DCC: variants seen among roughly 807,000 people sequenced by gnomAD.
The protein encoded by DCC is DCC netrin 1 receptor.
Under a neutral mutation model 172.5 loss-of-function variants are expected in DCC, and 58 were observed. The ratio of observed to expected loss-of-function variants is 0.34; its 90% CI spans 0.27 to 0.42. The LOEUF is 0.42. DCC is among the 10% of genes least tolerant of loss of function. DCC has a pLI of 1.00. For missense variants in DCC, 1,740 were observed against 1,791.0 expected, an observed-to-expected ratio of 0.97 and a Z score of 0.51; for synonymous variants, 709 against 644.5, an observed-to-expected ratio of 1.10 and a Z score of -1.52.
At chr18:53,060,843 A>G (rs984880166) in intron 5 of DCC, among the ~76,000 whole-genome samples, 1 of 152,106 alleles carries the variant, frequency 6.6e-6, no homozygotes. Context: ...AAACTCAATC[A>G]TTTGTTTTTT....
chr18:53,217,262 TAC>T (rs36226906), intron 12 of DCC, among the ~76,000 whole-genome samples: 1,992 of 133,330 alleles, frequency 0.015, 20 homozygotes, highest in African/African-American at 0.048. Flanking sequence ...ATATATATTA[TAC>T]ACACACACAC....
intron 5 of DCC, among the ~76,000 whole-genome samples, chr18:52,929,745 TA>T (rs943257410): frequency 7.3e-5 from 11 of 150,830 alleles, no homozygotes; most frequent in Middle Eastern, 3.4e-3. Flanking sequence ...ATGAGATAAA[TA>T]AAAATGTTAA....
At chr18:53,244,537 A>G (rs1054474838) in intron 12 of DCC, among the ~76,000 whole-genome samples, 13 of 152,164 alleles carry the variant, frequency 8.5e-5, no homozygotes, top group African/African-American at 3.1e-4. Context: ...AGCAAAGTCT[A>G]TATCTAGGGA....
chr18:53,200,324 A>G (rs2055517219), intron 9 of DCC, among the ~76,000 whole-genome samples: 1 of 152,206 alleles, frequency 6.6e-6, no homozygotes, highest in Non-Finnish European at 1.5e-5. Context: ...CTCTTTTCTG[A>G]TCCCTTTTAG....
In DCC at chr18:52,748,995, G is replaced by C. The variant is rs558821133; in HGVS notation, c.92-3059G>C. 2.0e-5 allele frequency among the ~76,000 whole-genome samples: 3 copies of C among 152,270 alleles called. No homozygotes were observed. In the South Asian group the frequency reaches 6.2e-4, roughly 32 times the overall value. ...GTGGAACAACTGAGGTCAGGAGTTT[G>C]AGACCAGCCTGGCCAAATATGGCCA... On this transcript the variant is annotated intron_variant, in intron 1 of 28. Coordinates refer to ENST00000442544, the MANE Select transcript of DCC (RefSeq NM_005215.4).
At chr18:53,334,476 G>T (rs1165458015) in intron 14 of DCC, among the ~76,000 whole-genome samples, 1 of 152,070 alleles carries the variant, frequency 6.6e-6, no homozygotes, top group Non-Finnish European at 1.5e-5. Flanking sequence ...CAGTTCAGTG[G>T]CATTAAGCAC....
chr18:52,681,244 T>C (rs906449975), intron 1 of DCC, among the ~76,000 whole-genome samples: 1 of 152,018 alleles, frequency 6.6e-6, no homozygotes, highest in Non-Finnish European at 1.5e-5. Context: ...GGTCAGTCTC[T>C]CCTCCAAAGC....
intron 1 of DCC, among the ~76,000 whole-genome samples, chr18:52,594,275 T>C (rs192156106): frequency 1.3e-5 from 2 of 152,350 alleles, no homozygotes; most frequent in East Asian, 3.9e-4. Context: ...TCTAGATTTA[T>C]TCCATCATTA....
chr18:52,492,414 C>A (rs75527360), intron 1 of DCC, among the ~76,000 whole-genome samples: 1 of 151,786 alleles, frequency 6.6e-6, no homozygotes, highest in Non-Finnish European at 1.5e-5. Flanking sequence ...ACTAAAGGAA[C>A]AAGGTTCTTG....
chr18:53,003,469 A>C (rs2041597542), intron 5 of DCC, among the ~76,000 whole-genome samples: 1 of 151,974 alleles, frequency 6.6e-6, no homozygotes, highest in African/African-American at 2.4e-5. Context: ...CCTCTCTCTC[A>C]TCATCTGTGT....
chr18:53,404,465 C>T (rs891911284), intron 19 of DCC, among the ~76,000 whole-genome samples: 1 of 128,576 alleles, frequency 7.8e-6, no homozygotes, highest in African/African-American at 2.6e-5. Flanking sequence ...GGCGCGGTGG[C>T]TCACACCTGT....
At chr18:53,291,928 C>T (rs1039140572) in intron 12 of DCC, among the ~76,000 whole-genome samples, 1 of 152,092 alleles carries the variant, frequency 6.6e-6, no homozygotes, top group African/African-American at 2.4e-5. Flanking sequence ...AACGTGAATA[C>T]CTCCTAGAAA....
intron 24 of DCC, among the ~76,000 whole-genome samples, chr18:53,461,566 A>G (rs963855600): frequency 6.6e-6 from 1 of 152,098 alleles, no homozygotes; most frequent in Non-Finnish European, 1.5e-5. Flanking sequence ...TGTTTTTCTC[A>G]GGTTTGTCAA....
intron 2 of DCC, among the ~76,000 whole-genome samples, chr18:52,828,431 C>T (rs556724982): frequency 4.6e-5 from 7 of 151,896 alleles, no homozygotes; most frequent in African/African-American, 1.7e-4. Context: ...TGAAAAATAT[C>T]ATAGTAGGAA....
At chr18:53,021,858 A>G (rs1415231476) in intron 5 of DCC, among the ~76,000 whole-genome samples, 1 of 152,240 alleles carries the variant, frequency 6.6e-6, no homozygotes, top group African/African-American at 2.4e-5. Context: ...AAAAGCAAGC[A>G]GTTGGTTAAT....
intron 1 of DCC, among the ~76,000 whole-genome samples, chr18:52,354,683 G>A (rs1411531014): frequency 1.3e-5 from 2 of 152,098 alleles, no homozygotes; most frequent in Non-Finnish European, 2.9e-5. Flanking sequence ...TACCAAATTG[G>A]TTTTTATATA....
intron 12 of DCC, among the ~76,000 whole-genome samples, chr18:53,224,565 A>G (rs1263099671): frequency 6.6e-6 from 1 of 152,192 alleles, no homozygotes; most frequent in East Asian, 1.9e-4. Context: ...ACCAGTTCAG[A>G]GACAACCAAG....
At chr18:53,097,466 T>C (rs1038285818) in intron 7 of DCC, among the ~76,000 whole-genome samples, 48 of 152,328 alleles carry the variant, frequency 3.2e-4, no homozygotes, top group African/African-American at 1.1e-3. Context: ...CATTTTAAAA[T>C]AATATATGTC....
At position 53,079,432 on chromosome 18, in the gene DCC, A is replaced by G. The variant is rs75736441; in HGVS notation, c.1261+13266A>G. On this transcript the variant is annotated intron_variant, in intron 7 of 28. Transcript: ENST00000442544. ...GAAATTCAACTGATAAAAATGGTAA[A>G]TATCTTTTTGCTTTTCTAGATCAAG... is the stretch of plus-strand genomic sequence containing the variant. Among the ~76,000 whole-genome samples, 780 of 152,276 alleles carry G rather than the reference A, an allele frequency of 5.1e-3. 6 individuals are homozygous for G. The highest frequency in any genetic ancestry group is 0.022 in the Admixed American group (342 of 15,274).
Sources: gnomAD v4.1 joint callset for allele counts (sites outside exome capture counted in the v4.1 genomes callset) on GRCh38, gnomAD v4.1.1 for gene constraint, MANE v1.5 for transcripts, NCBI Gene and HGNC (gene_info 2026-07-23, HGNC 2026-07-21) for gene names.